The following AQP9 variants were observed in gnomAD, a reference collection of about 807,000 sequenced individuals.
The protein encoded by AQP9 is aquaporin 9.
A neutral mutation model predicts 23.8 loss-of-function variants in AQP9; 19 were observed. The ratio of observed to expected loss-of-function variants is 0.80; its 90% CI spans 0.56 to 1.17. AQP9 has a LOEUF of 1.17. Among genes scored for constraint, AQP9 ranks in the 50% most tolerant of loss-of-function variants. AQP9 has a pLI of 0.00. For missense variants in AQP9, 413 were observed against 362.0 expected (o/e 1.14, Z -1.14); for synonymous variants, 153 against 131.5 (o/e 1.16, Z -1.12).
chr15:58,181,639 G>C (rs760555367), intron 5 of AQP9, among the ~76,000 whole-genome samples: 2 of 152,302 alleles, frequency 1.3e-5, no homozygotes, highest in East Asian at 3.9e-4. Flanking sequence ...AGATCATAGA[G>C]GACCTGGACT....
intron 1 of AQP9, among the ~76,000 whole-genome samples, chr15:58,141,261 G>T (rs541396506): frequency 4.6e-5 from 7 of 152,110 alleles, no homozygotes; most frequent in Non-Finnish European, 7.4e-5. Context: ...AACTTTTCAG[G>T]ATTCTTTGAT....
chr15:58,148,771 T>C (rs1050546087), intron 1 of AQP9, among the ~76,000 whole-genome samples: 1 of 152,188 alleles, frequency 6.6e-6, no homozygotes, highest in African/African-American at 2.4e-5. Context: ...TTCAGCCCAG[T>C]AGAGATAGTG....
rs1432106304 is a variant in AQP9, at chr15:58,164,336, G to A, written c.112-2337G>A. ...AGCTCAGGACTGGCCTCTCTCTTTTGCGTCTCTTCTTAGCCCTGGTTGTCT... is the reference window on the plus strand; with the variant it reads ...AGCTCAGGACTGGCCTCTCTCTTTTACGTCTCTTCTTAGCCCTGGTTGTCT... On this transcript the variant is annotated intron_variant, in intron 1 of 5. Coordinates refer to ENST00000219919, the MANE Select transcript of AQP9 (RefSeq NM_020980.5). Among the ~76,000 whole-genome samples the A allele has an allele frequency of 2.0e-5, 3 of 152,132 alleles. No individual in the cohort carries two copies. In the East Asian group the frequency reaches 5.8e-4, roughly 29 times the overall value.
chr15:58,160,357 G>A (rs1898349670), intron 1 of AQP9, among the ~76,000 whole-genome samples: 1 of 151,670 alleles, frequency 6.6e-6, no homozygotes, highest in Non-Finnish European at 1.5e-5. Flanking sequence ...GATTTTGTTT[G>A]TTTGTTTGCT....
intron 4 of AQP9, among the ~76,000 whole-genome samples, chr15:58,177,314 G>A (rs188582416): frequency 6.6e-6 from 1 of 152,256 alleles, no homozygotes; most frequent in Non-Finnish European, 1.5e-5. Context: ...CTTCTTCAAG[G>A]AGTTCAGAGT....
intron 1 of AQP9, among the ~76,000 whole-genome samples, chr15:58,148,034 T>C (rs1327141999): frequency 6.6e-6 from 1 of 152,166 alleles, no homozygotes; most frequent in African/African-American, 2.4e-5. Context: ...TTTCTTATAT[T>C]TTATAGTATA....
In AQP9 at chr15:58,179,292, C is replaced by A. The variant is rs2140633631; in HGVS notation, c.660C>A (p.Asp220Glu). 1.2e-6 allele frequency: 2 copies of A among 1,614,110 alleles called. No individual in the cohort carries two copies. The highest frequency in any genetic ancestry group is 4.5e-5 in the East Asian group (2 of 44,864). Residue 220 changes from aspartate (D) to glutamate (E), a missense_variant, in exon 5 of 6, where the codon GAC (aspartate) becomes GAA (glutamate). Physicochemically the swap from Asp to Glu is conservative, Grantham distance 45 (BLOSUM62 2). Transcript: ENST00000219919. ...NSGCAMNPARDLSPRLFTALA... is the reference protein window; with the variant it reads ...NSGCAMNPARELSPRLFTALA... ...GCTGTGCCATGAACCCAGCTCGAGA[C>A]CTGAGTCCCAGACTTTTCACTGCCT...
intron 2 of AQP9, among the ~76,000 whole-genome samples, chr15:58,169,649 C>T (rs767860965): frequency 2.6e-5 from 4 of 152,078 alleles, no homozygotes; most frequent in East Asian, 1.9e-4. Flanking sequence ...TTGTGGTCAC[C>T]GACTAGTGAG....
At chr15:58,171,661 G>A (rs1291749407) in intron 2 of AQP9, among the ~76,000 whole-genome samples, 1 of 152,214 alleles carries the variant, frequency 6.6e-6, no homozygotes, top group Non-Finnish European at 1.5e-5. Flanking sequence ...GCTCATTGTA[G>A]CCACTGAGTG....
In AQP9 at chr15:58,184,226, G is replaced by A. The variant is rs2140639695; in HGVS notation, c.*91G>A. 1 of 1,386,066 alleles carries A rather than the reference G, an allele frequency of 7.2e-7. No homozygotes were observed. The highest frequency in any genetic ancestry group is 1.4e-5 in the African/African-American group (1 of 69,542). The allele number at this position is 1,386,066 out of a possible 1,614,324, so 85.9% of individuals were successfully genotyped here. A position where few individuals can be genotyped will look rare whatever the true frequency, so the allele number is the denominator to read the frequency against. ...TCTGTGTTCTTGTAAGCCTGAGGTG[G>A]AATCCACCCAGTTTTGTCTGCTAGC... On this transcript the variant is annotated 3_prime_UTR_variant, in exon 6 of 6. Coordinates refer to ENST00000219919, the MANE Select transcript of AQP9 (RefSeq NM_020980.5).
intron 5 of AQP9, among the ~76,000 whole-genome samples, chr15:58,181,381 T>A (rs1663248): frequency 6.6e-6 from 1 of 152,084 alleles, no homozygotes; most frequent in East Asian, 1.9e-4. Flanking sequence ...TACACAAGGT[T>A]GAAGCAGTCA....
At chr15:58,152,359 A>G (rs1898167793) in intron 1 of AQP9, 1 of 152,202 alleles carries the variant, frequency 6.6e-6, no homozygotes, top group Non-Finnish European at 1.5e-5. Flanking sequence ...CTCCCTACAT[A>G]TACTAATCAC....
At chr15:58,157,755 C>G (rs1482538744) in intron 1 of AQP9, among the ~76,000 whole-genome samples, 1 of 152,122 alleles carries the variant, frequency 6.6e-6, no homozygotes, top group Non-Finnish European at 1.5e-5. Context: ...GCTTGATCAT[C>G]TAACGGAAGT....
At chr15:58,149,362 A>G (rs1454102816) in intron 1 of AQP9, among the ~76,000 whole-genome samples, 3 of 152,246 alleles carry the variant, frequency 2.0e-5, no homozygotes, top group East Asian at 1.9e-4. Context: ...CGCAAATGCC[A>G]TGTGAATGTT....
intron 1 of AQP9, among the ~76,000 whole-genome samples, chr15:58,142,465 C>T (rs755717677): frequency 1.3e-5 from 2 of 152,162 alleles, no homozygotes; most frequent in East Asian, 1.9e-4. Flanking sequence ...CAGACGTGAT[C>T]GTGGTGGGGA....
chr15:58,157,737 C>A (rs530658682), intron 1 of AQP9, among the ~76,000 whole-genome samples: 3 of 152,090 alleles, frequency 2.0e-5, no homozygotes, highest in Non-Finnish European at 4.4e-5. Context: ...AGTTTTCTAC[C>A]GGTGGGTGCT....
intron 1 of AQP9, among the ~76,000 whole-genome samples, chr15:58,145,214 A>G (rs1898023272): frequency 6.6e-6 from 1 of 151,490 alleles, no homozygotes; most frequent in African/African-American, 2.4e-5. Flanking sequence ...TAACGTATTT[A>G]CCCTTAGGCT....
chr15:58,140,199 T>C (rs1897928295), intron 1 of AQP9, among the ~76,000 whole-genome samples: 1 of 113,476 alleles, frequency 8.8e-6, no homozygotes, highest in Non-Finnish European at 1.6e-5. Flanking sequence ...CTACACATCT[T>C]TTTTTTTTTT....
At chr15:58,158,318 C>T (rs935111654) in intron 1 of AQP9, among the ~76,000 whole-genome samples, 5 of 152,104 alleles carry the variant, frequency 3.3e-5, no homozygotes, top group East Asian at 3.9e-4. Context: ...GCTAAAAGTT[C>T]GGGCCTCTGA....
Sources: allele counts gnomAD v4.1 joint callset (sites outside exome capture counted in the v4.1 genomes callset), GRCh38; gene constraint gnomAD v4.1.1; transcripts MANE v1.5; gene names NCBI Gene and HGNC (gene_info 2026-07-23, HGNC 2026-07-21).